YARS2: variants seen among roughly 807,000 people sequenced by gnomAD.
YARS2 encodes tyrosine--tRNA ligase, mitochondrial.
In YARS2, 38 loss-of-function variants were observed where a neutral mutation model predicts 45.0. The observed-to-expected ratio is 0.84, with a 90% confidence interval of 0.65 to 1.11. The LOEUF (loss-of-function observed/expected upper bound fraction) is 1.11. Ranked by LOEUF, YARS2 falls within the 50% of genes least tolerant of loss-of-function variation. YARS2 has a pLI of 0.00. For missense variants in YARS2, 602 were observed against 599.8 expected, an observed-to-expected ratio of 1.00 and a Z score of -0.04; for synonymous variants, 287 against 245.1, an observed-to-expected ratio of 1.17 and a Z score of -1.60.
At chr12:32,750,623 A>G (rs952256629) in intron 3 of YARS2, 96 bp downstream of exon 3, 2 of 1,520,252 alleles carry the variant, frequency 1.3e-6, no homozygotes, top group African/African-American at 2.7e-5. Context: ...AGTCCTTGTG[A>G]TAAATGACAA....
At chr12:32,748,979 T>A (rs1484377480) in intron 4 of YARS2, among the ~76,000 whole-genome samples, 1 of 152,228 alleles carries the variant, frequency 6.6e-6, no homozygotes, top group South Asian at 2.1e-4. Flanking sequence ...TGCTGAATTA[T>A]TTTTTGTGAA....
At chr12:32,755,040 T>A in intron 1 of YARS2, 56 bp downstream of exon 1, 1 of 1,604,674 alleles carries the variant, frequency 6.2e-7, no homozygotes, top group Non-Finnish European at 8.5e-7. Context: ...AATCACAGGC[T>A]ACTAGTGTGT....
At position 32,750,001 on chromosome 12, in the gene YARS2, C is replaced by G. The variant is rs920538847; in HGVS notation, c.1210G>C (p.Asp404His). 6.8e-6 allele frequency: 11 copies of G among 1,613,926 alleles called. No individual in the cohort carries two copies. Among genetic ancestry groups the G allele is most frequent in the South Asian group, 1.1e-5 (1 of 91,086 alleles). The stretch of plus-strand genomic sequence containing the variant: ...GTATCTAGGACACTTGTTCCAGGAT[C>G]GAGAAAAAATTCAGAAAATGGAGCT... Reference protein sequence around the residue: ...KEAPFSEFFLDPGTSVLDTCR... With the variant: ...KEAPFSEFFLHPGTSVLDTCR... Residue 404 changes from aspartate (D) to histidine (H), a missense_variant, in exon 4 of 5, where the codon GAT (aspartate) becomes CAT (histidine). Coordinates refer to ENST00000324868, the MANE Select transcript of YARS2 (RefSeq NM_001040436.3).
intron 4 of YARS2, among the ~76,000 whole-genome samples, chr12:32,749,401 GATATA>G (rs1955697091): frequency 6.6e-6 from 1 of 152,058 alleles, no homozygotes; most frequent in Non-Finnish European, 1.5e-5. Flanking sequence ...GACTGGGTTA[GATATA>G]ATAAGAGACA....
rs1293782383 is a variant in YARS2, at chr12:32,750,891, A to G, written c.948-17T>C. ...TTCAGGTACCTTTGAGACAAAAAATAAAGAGTTACACTTATATAACATACC... is the reference window on the plus strand; with the variant it reads ...TTCAGGTACCTTTGAGACAAAAAATGAAGAGTTACACTTATATAACATACC... On this transcript the variant is annotated splice_polypyrimidine_tract_variant and intron_variant, in intron 2 of 4. Coordinates refer to ENST00000324868, the MANE Select transcript of YARS2 (RefSeq NM_001040436.3). 6.2e-7 allele frequency: 1 copy of G among 1,613,134 alleles called. No individual in the cohort carries two copies. The highest frequency in any genetic ancestry group is 8.5e-7 in the Non-Finnish European group (1 of 1,179,886).
intron 3 of YARS2, 37 bp from the exon 4 acceptor site, chr12:32,750,144 G>A: frequency 1.9e-6 from 3 of 1,610,962 alleles, no homozygotes; most frequent in Non-Finnish European, 2.5e-6. Flanking sequence ...TCATATAAAT[G>A]TTTATTCAAA....
At chr12:32,755,032 T>C in intron 1 of YARS2, 64 bp downstream of exon 1, 1 of 1,601,880 alleles carries the variant, frequency 6.2e-7, no homozygotes, top group Admixed American at 1.7e-5. Context: ...TAAGAGTGAA[T>C]CACAGGCTAC....
chr12:32,750,670 T>C, intron 3 of YARS2, 49 bp downstream of exon 3: 1 of 1,607,962 alleles, frequency 6.2e-7, no homozygotes. Flanking sequence ...TTCTCATGTC[T>C]ATCCACTGAA....
At chr12:32,750,207 A>T (rs1022102710) in intron 3 of YARS2, 100 bp from the exon 4 acceptor site, 1 of 1,486,628 alleles carries the variant, frequency 6.7e-7, no homozygotes, top group Non-Finnish European at 9.1e-7. Flanking sequence ...TTCTAGACTA[A>T]AAGTTTTTTT....
intron 4 of YARS2, among the ~76,000 whole-genome samples, chr12:32,749,603 CAG>C (rs1220312439): frequency 2.0e-5 from 3 of 152,134 alleles, no homozygotes; most frequent in Non-Finnish European, 4.4e-5. Flanking sequence ...TTTTTTGAGA[CAG>C]AGTCTTGCTC....
intron 4 of YARS2, among the ~76,000 whole-genome samples, chr12:32,748,137 A>G (rs1592708271): frequency 6.6e-6 from 1 of 152,264 alleles, no homozygotes; most frequent in Non-Finnish European, 1.5e-5. Context: ...AAATTAAGAA[A>G]CCACTACTGG....
chr12:32,747,582 T>C (rs1246404500), intron 4 of YARS2, among the ~76,000 whole-genome samples: 1 of 152,224 alleles, frequency 6.6e-6, no homozygotes, highest in Non-Finnish European at 1.5e-5. Flanking sequence ...ATTCTTGCTC[T>C]GTAGCCCAGG....
rs761988932 is a variant in YARS2, at chr12:32,747,379, G to C, written c.1275-16C>G. On this transcript the variant is annotated splice_polypyrimidine_tract_variant and intron_variant, in intron 4 of 4. Coordinates refer to ENST00000324868, the MANE Select transcript of YARS2 (RefSeq NM_001040436.3). ...CATTCGATACCTAAAAAATAGAAAC[G>C]TTTAGTAAGTAGAGAGATCCAATCA... is the stretch of plus-strand genomic sequence containing the variant. 6.2e-7 allele frequency: 1 copy of C among 1,612,480 alleles called. No individual in the cohort carries two copies. The highest frequency in any genetic ancestry group is 1.3e-5 in the African/African-American group (1 of 74,906).
In YARS2 at chr12:32,747,364, C is replaced by CT. The variant is rs565781501; in HGVS notation, c.1275-2dup. 972 of 1,613,674 alleles carry CT rather than the reference C, an allele frequency of 6.0e-4. 6 individuals carry two copies. The African/African-American group carries it at 0.011, about 18-fold the overall frequency. ...TCCGCCTTCTGTTATCATTCGATAC[C>CT]TAAAAAATAGAAACGTTTAGTAAGT... On this transcript the variant is annotated splice_acceptor_variant, in intron 4 of 4. Coordinates refer to ENST00000324868, the MANE Select transcript of YARS2 (RefSeq NM_001040436.3). LOFTEE classifies it high-confidence loss of function.
At chr12:32,747,559 G>C (rs1293952438) in intron 4 of YARS2, among the ~76,000 whole-genome samples, 196 bp from the exon 5 acceptor site, 1 of 152,078 alleles carries the variant, frequency 6.6e-6, no homozygotes, top group South Asian at 2.1e-4. Context: ...TTTGTTGTTT[G>C]TTTTTGAAAC....
chr12:32,755,627 G>C lies in YARS2; in HGVS notation c.248C>G (p.Thr83Arg). 1 of 1,614,164 alleles carries C rather than the reference G, an allele frequency of 6.2e-7. No homozygotes were observed. The highest frequency in any genetic ancestry group is 8.5e-7 in the Non-Finnish European group (1 of 1,180,000). The change falls in exon 1 of 5, where the codon ACG (threonine) becomes AGG (arginine). Residue 83 changes from threonine to arginine, a missense_variant. By Grantham distance (71) the Thr-to-Arg change is moderately conservative. Coordinates refer to ENST00000324868, the MANE Select transcript of YARS2 (RefSeq NM_001040436.3). ...ATGACCCACATGAAGCGAGTCTGCC[G>C]TGGGGTCGAAGCCACAGTAAATGGT... The part of the protein sequence containing the change: ...PQTIYCGFDP[T>R]ADSLHVGHLL...
chr12:32,754,207 C>T (rs991242274), intron 1 of YARS2, 122 bp from the exon 2 acceptor site: 2 of 1,105,430 alleles, frequency 1.8e-6, no homozygotes, highest in Non-Finnish European at 2.7e-6. Flanking sequence ...CCTCCTAAAT[C>T]TGAATTCTTG....
rs570543058 is a variant in YARS2 at position 32,754,143 on chromosome 12, C to T, written c.780-58G>A. 26 of 1,599,948 alleles carry T rather than the reference C, an allele frequency of 1.6e-5. No homozygotes were observed. In the African/African-American group the frequency reaches 3.2e-4, roughly 20 times the overall value. On this transcript the variant is annotated intron_variant, in intron 1 of 4. Transcript: ENST00000324868. The stretch of plus-strand genomic sequence containing the variant: ...CAAGCACAAGTGGTGGTAGGTTCTA[C>T]TGTTCACCTTCCAGATTTCTTTCTG...
chr12:32,750,616 C>T (rs1955724987), intron 3 of YARS2, 103 bp downstream of exon 3: 1 of 1,461,968 alleles, frequency 6.8e-7, no homozygotes, highest in Non-Finnish European at 9.5e-7. Flanking sequence ...TACTGACAGT[C>T]CTTGTGATAA....
Sources: allele counts gnomAD v4.1 joint callset (sites outside exome capture counted in the v4.1 genomes callset), GRCh38; gene constraint gnomAD v4.1.1; transcripts MANE v1.5; gene names NCBI Gene and HGNC (gene_info 2026-07-23, HGNC 2026-07-21).